Variants in DPP10 observed in about 807,000 individuals in gnomAD.
The protein encoded by DPP10 is inactive dipeptidyl peptidase 10.
DPP10 carries 33 observed loss-of-function variants against 120.9 expected under a neutral mutation model. The ratio of observed to expected loss-of-function variants is 0.27; its 90% CI spans 0.21 to 0.37. The LOEUF is 0.37. DPP10 is among the 10% of genes least tolerant of loss of function. DPP10 has a pLI of 1.00. For missense variants in DPP10, 816 were observed against 942.8 expected (o/e 0.87, Z 1.76); for synonymous variants, 337 against 326.1 (o/e 1.03, Z -0.36).
chr2:114,516,843 C>T (rs191068268), intron 1 of DPP10, among the ~76,000 whole-genome samples: 38 of 152,140 alleles, frequency 2.5e-4, no homozygotes, highest in East Asian at 5.8e-4. Context: ...TTTTATGAAC[C>T]GAACTACTGG....
intron 7 of DPP10, among the ~76,000 whole-genome samples, chr2:115,693,379 TGAACAATA>T (rs2091423034): frequency 6.6e-6 from 1 of 152,062 alleles, no homozygotes; most frequent in Non-Finnish European, 1.5e-5. Context: ...TCTGATGTTG[TGAACAATA>T]GAGCTGGTCC....
At chr2:115,635,818 G>A (rs1000679770) in intron 5 of DPP10, among the ~76,000 whole-genome samples, 6 of 152,138 alleles carry the variant, frequency 3.9e-5, no homozygotes, top group African/African-American at 1.4e-4. Context: ...TGGAATGATA[G>A]ACTAGAAAAC....
intron 1 of DPP10, among the ~76,000 whole-genome samples, chr2:115,114,834 TC>T (rs1195956558): frequency 6.6e-6 from 1 of 152,068 alleles, no homozygotes; most frequent in Non-Finnish European, 1.5e-5. Context: ...TGTTTCTACT[TC>T]GAGATTGAGA....
chr2:115,508,436 C>T (rs1294598873), intron 4 of DPP10, among the ~76,000 whole-genome samples: 3 of 152,028 alleles, frequency 2.0e-5, no homozygotes, highest in African/African-American at 7.2e-5. Flanking sequence ...ATGCACTAAT[C>T]AAATAATTAG....
At chr2:115,779,813 A>T (rs1168655123) in intron 15 of DPP10, among the ~76,000 whole-genome samples, 1 of 151,542 alleles carries the variant, frequency 6.6e-6, no homozygotes, top group South Asian at 2.1e-4. Flanking sequence ...TGGATATTTT[A>T]TAAGTTATCA....
intron 1 of DPP10, among the ~76,000 whole-genome samples, chr2:114,917,637 A>T (rs907614836): frequency 2.0e-5 from 3 of 151,920 alleles, no homozygotes; most frequent in Non-Finnish European, 4.4e-5. Context: ...AGGTCAGAGA[A>T]CCCTAAATAA....
chr2:115,162,143 C>T (rs150023622), intron 1 of DPP10: 2 of 1,515,714 alleles, frequency 1.3e-6, no homozygotes, highest in Non-Finnish European at 8.9e-7. Flanking sequence ...TCACCCTCCC[C>T]CGCCCCGCCC....
At chr2:114,950,707 C>T (rs967671861) in intron 1 of DPP10, among the ~76,000 whole-genome samples, 1 of 151,996 alleles carries the variant, frequency 6.6e-6, no homozygotes, top group African/African-American at 2.4e-5. Flanking sequence ...ACTGTATTAA[C>T]AGAAGAAAGA....
chr2:115,727,125 G>T (rs2092784598), intron 7 of DPP10, among the ~76,000 whole-genome samples: 1 of 152,074 alleles, frequency 6.6e-6, no homozygotes, highest in Admixed American at 6.5e-5. Flanking sequence ...TTGCACCATT[G>T]TTCCTGTTGT....
chr2:114,477,879 G>GTGTATATA, intron 1 of DPP10, among the ~76,000 whole-genome samples: 1 of 116,574 alleles, frequency 8.6e-6, no homozygotes, highest in African/African-American at 2.7e-5. Flanking sequence ...GTACATATAT[G>GTGTATATA]TGTATATATG....
At chr2:115,044,005 A>G (rs1215212618) in intron 1 of DPP10, among the ~76,000 whole-genome samples, 1 of 152,146 alleles carries the variant, frequency 6.6e-6, no homozygotes, top group Non-Finnish European at 1.5e-5. Context: ...AAATGAGATA[A>G]TCATTGCCTC....
chr2:114,665,826 A>G (rs976372492), intron 1 of DPP10, among the ~76,000 whole-genome samples: 4 of 152,212 alleles, frequency 2.6e-5, no homozygotes, highest in Non-Finnish European at 5.9e-5. Context: ...TGCTTCATTC[A>G]GTACATAGTA....
At chr2:114,975,076 G>C (rs1206145760) in intron 1 of DPP10, among the ~76,000 whole-genome samples, 1 of 147,976 alleles carries the variant, frequency 6.8e-6, no homozygotes, top group Non-Finnish European at 1.5e-5. Context: ...GTTCGCTCTT[G>C]TTGCCCCAGC....
chr2:115,220,245 CATT>C (rs1391966265), intron 1 of DPP10, among the ~76,000 whole-genome samples: 4 of 152,150 alleles, frequency 2.6e-5, no homozygotes, highest in African/African-American at 9.7e-5. Context: ...TTTATACACT[CATT>C]GTTGGTAGCT....
chr2:115,015,509 G>C (rs1295032179), intron 1 of DPP10, among the ~76,000 whole-genome samples: 1 of 152,072 alleles, frequency 6.6e-6, no homozygotes, highest in Non-Finnish European at 1.5e-5. Flanking sequence ...AGGGCAATCA[G>C]GCCAGAAAAA....
intron 1 of DPP10, among the ~76,000 whole-genome samples, chr2:114,685,975 A>G (rs1699338811): frequency 6.6e-6 from 1 of 151,902 alleles, no homozygotes; most frequent in Admixed American, 6.6e-5. Context: ...CTCATAAGCA[A>G]TTATTACAGC....
intron 3 of DPP10, among the ~76,000 whole-genome samples, chr2:115,432,926 T>C (rs2071138682): frequency 6.6e-6 from 1 of 152,010 alleles, no homozygotes; most frequent in East Asian, 1.9e-4. Context: ...CAACTAGTTA[T>C]GGTCCAGATT....
chr2:114,472,185 T>C (rs928938232), intron 1 of DPP10, among the ~76,000 whole-genome samples: 8 of 152,162 alleles, frequency 5.3e-5, no homozygotes, highest in Non-Finnish European at 1.0e-4. Flanking sequence ...GGAGCAAACT[T>C]CTCATATCTT....
At chr2:114,930,340 A>G (rs1695974369) in intron 1 of DPP10, among the ~76,000 whole-genome samples, 1 of 152,138 alleles carries the variant, frequency 6.6e-6, no homozygotes, top group Non-Finnish European at 1.5e-5. Context: ...TTTCCTCGCT[A>G]CCAAATCAGG....
Sources: gnomAD v4.1 joint callset for allele counts (sites outside exome capture counted in the v4.1 genomes callset) on GRCh38, gnomAD v4.1.1 for gene constraint, MANE v1.5 for transcripts, NCBI Gene and HGNC (gene_info 2026-07-23, HGNC 2026-07-21) for gene names.